The following ROBO2 variants were observed in gnomAD, a reference collection of about 807,000 sequenced individuals.
ROBO2 encodes the protein roundabout homolog 2.
In ROBO2, 53 loss-of-function variants were observed where a neutral mutation model predicts 160.8. The observed-to-expected ratio is 0.33, with a 90% CI of 0.26 to 0.41. The LOEUF is 0.41. Ranked by LOEUF, ROBO2 falls within the 10% of genes least tolerant of loss-of-function variation. The probability of loss-of-function intolerance (pLI) is 1.00; values close to 1 mark genes in which losing one functional copy is unlikely to be tolerated. For missense variants in ROBO2, 1,577 were observed against 1,722.4 expected (o/e 0.92, Z 1.49); for synonymous variants, 664 against 611.7 (o/e 1.09, Z -1.26).
In ROBO2 at chr3:77,100,667, A is replaced by G. The variant is rs566297512; in HGVS notation, c.388+2327A>G. The stretch of plus-strand genomic sequence containing the variant: ...AAGAGGTGTTAAGGAATAGCAATGA[A>G]GACACATTCCAATGTATTCTCAAAG... On this transcript the variant is annotated intron_variant, in intron 2 of 25. Transcript: ENST00000461745. 1.2e-4 allele frequency among the ~76,000 whole-genome samples: 18 copies of G among 152,294 alleles called. No homozygotes were observed. The East Asian group carries it at 3.5e-3, about 29-fold the overall frequency.
intron 2 of ROBO2, among the ~76,000 whole-genome samples, chr3:77,135,194 G>A (rs545148066): frequency 6.6e-6 from 1 of 152,186 alleles, no homozygotes; most frequent in South Asian, 2.1e-4. Flanking sequence ...TTGGGAATAG[G>A]GAAAGAAAAC....
Position 77,640,097 on chromosome 3 carries a change from A to AT in ROBO2, c.3935-4575dup, listed in dbSNP as rs71104695. Among the ~76,000 whole-genome samples the AT allele has an allele frequency of 1.3e-3, 87 of 65,482 alleles. 9 individuals carry two copies. Among genetic ancestry groups the AT allele is most frequent in the African/African-American group, 2.5e-3 (39 of 15,406 alleles). The allele number at this position is 65,482 out of a possible 152,430, so 43.0% of individuals were successfully genotyped here. Reference sequence around the variant, plus strand: ...AGAGAAGAAACACTGCAGAGGAAGCATTTTTTTTTTTTTTTTTTTTTTTTT... The same window carrying AT: ...AGAGAAGAAACACTGCAGAGGAAGCATTTTTTTTTTTTTTTTTTTTTTTTTT... On this transcript the variant is annotated intron_variant, in intron 24 of 25. Transcript: ENST00000461745.
chr3:77,438,981 C>T (rs1008258152), intron 2 of ROBO2, among the ~76,000 whole-genome samples: 1 of 151,860 alleles, frequency 6.6e-6, no homozygotes, highest in Admixed American at 6.6e-5. Context: ...GTCATTTAAA[C>T]TAAAAGAAAT....
At chr3:75,917,978 T>C (rs556984784) in intron 1 of ROBO2, among the ~76,000 whole-genome samples, 1 of 152,318 alleles carries the variant, frequency 6.6e-6, no homozygotes, top group Non-Finnish European at 1.5e-5. Context: ...TCATATTTTG[T>C]AGTTTGCCTG....
intron 2 of ROBO2, among the ~76,000 whole-genome samples, chr3:76,064,015 T>C (rs1248965198): frequency 6.6e-6 from 1 of 152,166 alleles, no homozygotes. Flanking sequence ...AAAGCAACTC[T>C]CGTTGACAAC....
At chr3:76,459,031 CTG>C (rs1435098662) in intron 2 of ROBO2, among the ~76,000 whole-genome samples, 1 of 152,126 alleles carries the variant, frequency 6.6e-6, no homozygotes, top group African/African-American at 2.4e-5. Flanking sequence ...ACAATGTACC[CTG>C]TGTTAGAGCT....
At chr3:76,948,904 ATATATT>A (rs1461969699) in intron 2 of ROBO2, among the ~76,000 whole-genome samples, 41 of 24,836 alleles carry the variant, frequency 1.7e-3, no homozygotes, top group South Asian at 4.4e-3. Flanking sequence ...ATATATATAT[ATATATT>A]TTTTTTTTTT....
chr3:77,088,002 G>A (rs1042506805), intron 1 of ROBO2, among the ~76,000 whole-genome samples: 4 of 152,034 alleles, frequency 2.6e-5, no homozygotes, highest in African/African-American at 9.7e-5. Flanking sequence ...CTCCCTACGG[G>A]TGCTGAGGCT....
At chr3:76,872,879 AG>A (rs1206310332) in intron 2 of ROBO2, among the ~76,000 whole-genome samples, 2 of 151,956 alleles carry the variant, frequency 1.3e-5, no homozygotes, top group African/African-American at 4.8e-5. Flanking sequence ...GTGGCTAGGG[AG>A]GAAAAAAAAA....
At chr3:76,848,912 A>T (rs542252102) in intron 2 of ROBO2, among the ~76,000 whole-genome samples, 36 of 152,340 alleles carry the variant, frequency 2.4e-4, no homozygotes, top group African/African-American at 8.7e-4. Context: ...CTATGTACTT[A>T]AGAAAAATTC....
At chr3:77,139,109 A>G (rs2076504331) in intron 2 of ROBO2, among the ~76,000 whole-genome samples, 1 of 152,124 alleles carries the variant, frequency 6.6e-6, no homozygotes, top group Non-Finnish European at 1.5e-5. Context: ...TTGAGTTGAG[A>G]TGAAACAAAA....
chr3:76,028,157 G>A (rs1201363800), intron 2 of ROBO2, among the ~76,000 whole-genome samples: 1 of 151,840 alleles, frequency 6.6e-6, no homozygotes, highest in Non-Finnish European at 1.5e-5. Flanking sequence ...TCTCAGATGA[G>A]AAGAAATCCA....
At position 76,211,151 on chromosome 3, in the gene ROBO2, TG is replaced by T. The variant is rs1703121237; in HGVS notation, c.109+273550del. ...ACCAGCCTAGGACACTGACAATGTT[TG>T]CCCTTCTATAAAGCGCTTCAGGAGC... On this transcript the variant is annotated intron_variant, in intron 2 of 26. Coordinates refer to the ROBO2 transcript ENST00000487694. 2.6e-5 allele frequency among the ~76,000 whole-genome samples: 4 copies of T among 152,232 alleles called. No homozygotes were observed. The South Asian group carries it at 8.3e-4, about 32-fold the overall frequency.
At chr3:76,958,140 C>G (rs1428036517) in intron 2 of ROBO2, among the ~76,000 whole-genome samples, 1 of 152,222 alleles carries the variant, frequency 6.6e-6, no homozygotes, top group Non-Finnish European at 1.5e-5. Flanking sequence ...ATATTCCAGA[C>G]TAAGAGCTGC....
At chr3:76,158,837 T>C (rs998207574) in intron 2 of ROBO2, among the ~76,000 whole-genome samples, 1 of 152,190 alleles carries the variant, frequency 6.6e-6, no homozygotes, top group African/African-American at 2.4e-5. Context: ...GGCATTCTAT[T>C]ATACAGTTAT....
chr3:76,940,076 G>T (rs2078066273), intron 2 of ROBO2, among the ~76,000 whole-genome samples: 1 of 145,492 alleles, frequency 6.9e-6, no homozygotes, highest in African/African-American at 2.6e-5. Context: ...CCGCCTCCCG[G>T]GTTCACACCA....
intron 2 of ROBO2, among the ~76,000 whole-genome samples, chr3:76,048,843 G>A (rs4856004): frequency 0.65 from 98,092 of 151,990 alleles, 33,138 homozygotes; most frequent in African/African-American, 0.86. Flanking sequence ...AATACTCCAC[G>A]GCATTGTGAA....
intron 2 of ROBO2, among the ~76,000 whole-genome samples, chr3:76,314,815 G>C (rs1031158926): frequency 1.3e-5 from 2 of 152,110 alleles, no homozygotes; most frequent in African/African-American, 4.8e-5. Flanking sequence ...TGGGTTATTA[G>C]TGGTTAAGTT....
intron 1 of ROBO2, among the ~76,000 whole-genome samples, chr3:75,935,247 A>C (rs1000507648): frequency 1.3e-5 from 2 of 152,180 alleles, no homozygotes; most frequent in African/African-American, 4.8e-5. Context: ...AAAAAACACA[A>C]GGTGGCTCAC....
Sources: allele counts gnomAD v4.1 joint callset (sites outside exome capture counted in the v4.1 genomes callset), GRCh38; gene constraint gnomAD v4.1.1; transcripts MANE v1.5; gene names NCBI Gene and HGNC (gene_info 2026-07-23, HGNC 2026-07-21).